Variants in LRP1B observed in about 807,000 individuals in gnomAD.
The protein encoded by LRP1B is low-density lipoprotein receptor-related protein 1B.
LRP1B carries 217 observed loss-of-function variants against 556.6 expected under a neutral mutation model. The ratio of observed to expected loss-of-function variants is 0.39; its 90% CI spans 0.35 to 0.44. The LOEUF (loss-of-function observed/expected upper bound fraction) is 0.44, where lower values mean the gene tolerates loss of function less well. LRP1B is among the 20% of genes least tolerant of loss of function. The pLI is 1.00. For synonymous variants in LRP1B, 2,047 were observed against 1,865.8 expected (o/e 1.10, Z -2.50); for missense variants, 5,053 against 5,620.8 (o/e 0.90, Z 3.23).
rs114407566 is a variant in LRP1B, at chr2:140,742,242, G to A, written c.5759-25426C>T. 3.4e-3 allele frequency among the ~76,000 whole-genome samples: 518 copies of A among 152,314 alleles called. 4 individuals carry two copies. The highest frequency in any genetic ancestry group is 0.012 in the African/African-American group (488 of 41,568). On this transcript the variant is annotated intron_variant, in intron 35 of 90. Transcript: ENST00000389484. Reference sequence around the variant, plus strand: ...AAAAGTACAGGCACAGGGTGGGTGAGAAAACTGAGTGTCGAAAGGGATTAT... The same window carrying A: ...AAAAGTACAGGCACAGGGTGGGTGAAAAAACTGAGTGTCGAAAGGGATTAT...
At chr2:141,337,772 G>C (rs1357663943) in intron 3 of LRP1B, among the ~76,000 whole-genome samples, 1 of 152,096 alleles carries the variant, frequency 6.6e-6, no homozygotes, top group African/African-American at 2.4e-5. Flanking sequence ...TATGTGGTAA[G>C]AGTTTCTAGC....
At chr2:141,460,269 C>A (rs1240034533) in intron 3 of LRP1B, among the ~76,000 whole-genome samples, 1 of 152,164 alleles carries the variant, frequency 6.6e-6, no homozygotes, top group Non-Finnish European at 1.5e-5. Context: ...TTATTACAAT[C>A]ATTCTCAATG....
chr2:141,340,992 T>A (rs1038826632), intron 3 of LRP1B, among the ~76,000 whole-genome samples: 3 of 152,140 alleles, frequency 2.0e-5, no homozygotes, highest in African/African-American at 7.2e-5. Flanking sequence ...CAAGCCCAGG[T>A]GCTCAAAATA....
intron 25 of LRP1B, among the ~76,000 whole-genome samples, chr2:140,870,739 G>T (rs1028969647): frequency 2.6e-5 from 4 of 151,704 alleles, no homozygotes; most frequent in African/African-American, 9.7e-5. Context: ...TATTATTTTT[G>T]ACTTCTATTA....
intron 23 of LRP1B, among the ~76,000 whole-genome samples, chr2:140,890,596 G>C (rs1225794152): frequency 6.6e-6 from 1 of 151,820 alleles, no homozygotes; most frequent in Non-Finnish European, 1.5e-5. Flanking sequence ...AAATAAACTA[G>C]TTTACCAAAG....
chr2:141,678,537 G>A (rs1233797654), intron 2 of LRP1B, among the ~76,000 whole-genome samples: 1 of 152,108 alleles, frequency 6.6e-6, no homozygotes, highest in Admixed American at 6.6e-5. Context: ...GACCTAACAG[G>A]AGTGGTTTTG....
At chr2:140,552,051 G>A (rs1419418454) in intron 43 of LRP1B, among the ~76,000 whole-genome samples, 2 of 152,168 alleles carry the variant, frequency 1.3e-5, no homozygotes, top group South Asian at 2.1e-4. Flanking sequence ...CGTCAGACTC[G>A]AAGCATCCAA....
At chr2:140,544,714 A>G (rs777020581) in intron 43 of LRP1B, among the ~76,000 whole-genome samples, 3 of 152,184 alleles carry the variant, frequency 2.0e-5, no homozygotes, top group Admixed American at 6.6e-5. Context: ...TTCTTTACCC[A>G]GTCTACCATT....
intron 3 of LRP1B, among the ~76,000 whole-genome samples, chr2:141,330,624 G>T (rs111464452): frequency 0.021 from 3,206 of 152,016 alleles, 57 homozygotes; most frequent in Non-Finnish European, 0.034. Flanking sequence ...GCAAAGCAAT[G>T]TAATTGTAAG....
At chr2:141,932,460 T>C (rs1035159728) in intron 1 of LRP1B, among the ~76,000 whole-genome samples, 1 of 152,090 alleles carries the variant, frequency 6.6e-6, no homozygotes, top group African/African-American at 2.4e-5. Context: ...GTCTCCCTCC[T>C]TAATCCATGT....
intron 2 of LRP1B, among the ~76,000 whole-genome samples, chr2:141,769,619 G>A (rs1694835070): frequency 6.6e-6 from 1 of 152,154 alleles, no homozygotes; most frequent in African/African-American, 2.4e-5. Context: ...AATGGACTCT[G>A]AACTGATGTT....
Position 142,130,770 on chromosome 2 carries a change from G to T in LRP1B, c.-41C>A. On this transcript the variant is annotated 5_prime_UTR_variant, in exon 1 of 91. Transcript: ENST00000389484. The stretch of plus-strand genomic sequence containing the variant: ...AGGAAGCCTGCGCTGGAGACTGCTC[G>T]GCGGCACCTTCGGCCCGGCGGCGGC... The T allele has an allele frequency of 6.4e-7, 1 of 1,558,066 alleles. No homozygotes were observed. Among genetic ancestry groups the T allele is most frequent in the Non-Finnish European group, 8.8e-7 (1 of 1,138,192 alleles).
chr2:140,577,856 G>A (rs10928756), intron 43 of LRP1B, among the ~76,000 whole-genome samples: 74,682 of 151,928 alleles, frequency 0.49, 19,394 homozygotes, highest in South Asian at 0.67. Flanking sequence ...AAATAAGGAT[G>A]CAGTTGAATC....
chr2:140,656,587 C>T (rs1684886573), intron 41 of LRP1B, among the ~76,000 whole-genome samples: 1 of 152,062 alleles, frequency 6.6e-6, no homozygotes, highest in African/African-American at 2.4e-5. Flanking sequence ...CTGATTATTG[C>T]TTTGTCGAAA....
intron 3 of LRP1B, among the ~76,000 whole-genome samples, chr2:141,285,938 GCGCC>G: frequency 6.8e-6 from 1 of 148,048 alleles, no homozygotes; most frequent in South Asian, 2.1e-4. Context: ...GTAGTGGCGG[GCGCC>G]TGTAGTCCCA....
intron 43 of LRP1B, among the ~76,000 whole-genome samples, chr2:140,556,453 C>G (rs781675509): frequency 1.3e-4 from 20 of 152,090 alleles, no homozygotes; most frequent in Non-Finnish European, 2.5e-4. Context: ...CCACACGGTC[C>G]TCCCATCATA....
rs530621655 is a variant in LRP1B at position 141,790,695 on chromosome 2, G to T, written c.205+19584C>A. Among the ~76,000 whole-genome samples the T allele has an allele frequency of 2.0e-5, 3 of 151,888 alleles. No homozygotes were observed. The Admixed American group carries it at 2.0e-4, about 10-fold the overall frequency. The stretch of plus-strand genomic sequence containing the variant: ...AATCTATCTTACAAACTATGGTAAT[G>T]AGTTCCATGGTAACAAACCAGTCCA... On this transcript the variant is annotated intron_variant, in intron 2 of 90. Coordinates refer to ENST00000389484, the MANE Select transcript of LRP1B (RefSeq NM_018557.3).
chr2:140,863,864 A>G (rs1290818376), intron 27 of LRP1B, among the ~76,000 whole-genome samples: 1 of 152,070 alleles, frequency 6.6e-6, no homozygotes, highest in African/African-American at 2.4e-5. Flanking sequence ...CTCTTAGACT[A>G]TAAACTCCAG....
intron 66 of LRP1B, among the ~76,000 whole-genome samples, chr2:140,402,698 T>C (rs1684560267): frequency 6.6e-6 from 1 of 152,146 alleles, no homozygotes; most frequent in South Asian, 2.1e-4. Context: ...GTGTGTCTAA[T>C]TGAGAGCTAC....
Sources: gnomAD v4.1 joint callset for allele counts (sites outside exome capture counted in the v4.1 genomes callset) on GRCh38, gnomAD v4.1.1 for gene constraint, MANE v1.5 for transcripts, NCBI Gene and HGNC (gene_info 2026-07-23, HGNC 2026-07-21) for gene names.